Variants in M1AP observed in about 807,000 individuals in gnomAD.
The protein encoded by M1AP is meiosis 1 associated protein.
M1AP carries 39 observed loss-of-function variants against 51.2 expected under a neutral mutation model. That is an observed-to-expected ratio of 0.76 (90% CI 0.59 to 1.00). The LOEUF (loss-of-function observed/expected upper bound fraction) is 1.00, where lower values mean the gene tolerates loss of function less well. Ranked by LOEUF, M1AP falls within the 50% of genes least tolerant of loss-of-function variation. The pLI, the probability that M1AP is intolerant of heterozygous loss-of-function variation, is 0.00. For missense variants in M1AP, 545 were observed against 641.2 expected (o/e 0.85, Z 1.62); for synonymous variants, 251 against 249.2 (o/e 1.01, Z -0.07).
intron 6 of M1AP, 76 bp downstream of exon 6, chr2:74,576,376 CATCT>C: frequency 2.8e-6 from 4 of 1,409,632 alleles, no homozygotes; most frequent in Non-Finnish European, 4.0e-6. Context: ...TAAGAGATAC[CATCT>C]ATCTCTGGAG....
At chr2:74,583,569 A>T (rs1679538464) in intron 4 of M1AP, among the ~76,000 whole-genome samples, 3 of 152,220 alleles carry the variant, frequency 2.0e-5, no homozygotes, top group Non-Finnish European at 4.4e-5. Context: ...AGAACTAGAA[A>T]GAAGCTGAGG....
chr2:74,604,005 T>C (rs1022179814), intron 4 of M1AP, among the ~76,000 whole-genome samples: 3 of 152,110 alleles, frequency 2.0e-5, no homozygotes, highest in Non-Finnish European at 2.9e-5. Flanking sequence ...AACTTGAATG[T>C]TGGATGAATT....
At position 74,623,604 on chromosome 2, in the gene M1AP, A is replaced by T. The variant is rs181366431; in HGVS notation, c.241-8455T>A. On this transcript the variant is annotated intron_variant, in intron 2 of 10. Coordinates refer to ENST00000421985, the MANE Select transcript of M1AP (RefSeq NM_001321739.2). ...GGCTCCACGCACTGATATATTTTAA[A>T]ACTTCCTCAGGCAAATCTAATGTGC... Among the ~76,000 whole-genome samples the T allele has an allele frequency of 2.0e-5, 3 of 152,298 alleles. No individual in the cohort carries two copies. The East Asian group carries it at 5.8e-4, about 29-fold the overall frequency.
chr2:74,643,768 G>GT (rs1436023745), intron 1 of M1AP, among the ~76,000 whole-genome samples: 2 of 151,716 alleles, frequency 1.3e-5, no homozygotes, highest in Non-Finnish European at 2.9e-5. Flanking sequence ...TAATTTGTGT[G>GT]TTTTTTTGGT....
At chr2:74,588,653 A>C (rs1679858322) in intron 4 of M1AP, among the ~76,000 whole-genome samples, 1 of 152,182 alleles carries the variant, frequency 6.6e-6, no homozygotes, top group African/African-American at 2.4e-5. Flanking sequence ...AAGAGTTGGC[A>C]GGGGTGGTGG....
chr2:74,641,940 G>A (rs903804061), intron 1 of M1AP, among the ~76,000 whole-genome samples: 4 of 151,844 alleles, frequency 2.6e-5, no homozygotes, highest in Non-Finnish European at 5.9e-5. Flanking sequence ...CCGCCTCCCG[G>A]GTTCAAGCGA....
rs987518848 is a variant in M1AP, at chr2:74,558,624, G to A, written c.*92C>T. On this transcript the variant is annotated 3_prime_UTR_variant, in exon 11 of 11. Transcript: ENST00000421985. ...AGCCCTCACTCACAGAGGCTCAGGC[G>A]GATAGAGAGCAAGTCTGACCACAGA... 39 of 1,468,186 alleles carry A rather than the reference G, an allele frequency of 2.7e-5. No individual in the cohort carries two copies. The highest frequency in any genetic ancestry group is 2.2e-4 in the Middle Eastern group (1 of 4,602). 90.9% of individuals were successfully genotyped at this position (1,468,186 alleles called of 1,614,324 possible).
intron 7 of M1AP, among the ~76,000 whole-genome samples, chr2:74,565,049 G>A (rs536632338): frequency 6.6e-6 from 1 of 151,996 alleles, no homozygotes; most frequent in Admixed American, 6.6e-5. Flanking sequence ...GGTGAAACCC[G>A]GTCTCTAATA....
At chr2:74,613,416 G>A (rs1681484967) in intron 3 of M1AP, among the ~76,000 whole-genome samples, 1 of 152,172 alleles carries the variant, frequency 6.6e-6, no homozygotes, top group Non-Finnish European at 1.5e-5. Context: ...TAGAGGGAGG[G>A]GAAGTATGAT....
intron 5 of M1AP, 103 bp from the exon 6 acceptor site, chr2:74,576,721 C>A: frequency 7.5e-7 from 1 of 1,341,814 alleles, no homozygotes; most frequent in Admixed American, 2.1e-5. Flanking sequence ...ACATCTGCTA[C>A]CCATTCCATC....
chr2:74,610,181 T>A (rs1421924321), intron 3 of M1AP, among the ~76,000 whole-genome samples: 1 of 151,862 alleles, frequency 6.6e-6, no homozygotes, highest in East Asian at 1.9e-4. Flanking sequence ...TTTGTATTTT[T>A]TTTTTTTGTA....
intron 2 of M1AP, among the ~76,000 whole-genome samples, chr2:74,623,967 G>C (rs1682230654): frequency 6.6e-6 from 1 of 152,062 alleles, no homozygotes; most frequent in South Asian, 2.1e-4. Context: ...CACCACACCT[G>C]GCCTACAATA....
At chr2:74,644,410 C>T (rs989018494) in intron 1 of M1AP, among the ~76,000 whole-genome samples, 1 of 151,954 alleles carries the variant, frequency 6.6e-6, no homozygotes, top group Non-Finnish European at 1.5e-5. Context: ...TGGTAGCACG[C>T]GCTTGTAATC....
intron 4 of M1AP, among the ~76,000 whole-genome samples, chr2:74,596,811 T>G (rs1680368047): frequency 6.6e-6 from 1 of 152,194 alleles, no homozygotes; most frequent in Non-Finnish European, 1.5e-5. Context: ...AACGCACTAC[T>G]GATATAAACA....
At chr2:74,614,420 A>C (rs1681545243) in intron 3 of M1AP, among the ~76,000 whole-genome samples, 1 of 152,246 alleles carries the variant, frequency 6.6e-6, no homozygotes, top group Non-Finnish European at 1.5e-5. Flanking sequence ...TGAGGTTACA[A>C]GAGACCGAAA....
chr2:74,573,963 A>T (rs1678903888), intron 7 of M1AP, among the ~76,000 whole-genome samples: 1 of 152,226 alleles, frequency 6.6e-6, no homozygotes, highest in South Asian at 2.1e-4. Context: ...GGGTGGAGTA[A>T]ATAGTAAACT....
At chr2:74,647,463 C>A in intron 1 of M1AP, 2 of 873,996 alleles carry the variant, frequency 2.3e-6, no homozygotes, top group Non-Finnish European at 2.7e-6. Flanking sequence ...TCTTCGTGGA[C>A]CCCTTCCTCC....
chr2:74,593,536 G>T (rs1384201362), intron 4 of M1AP, among the ~76,000 whole-genome samples: 1 of 152,072 alleles, frequency 6.6e-6, no homozygotes, highest in Non-Finnish European at 1.5e-5. Flanking sequence ...GTGCACCACT[G>T]CATCTGGCTA....
chr2:74,606,967 A>G lies in M1AP; in HGVS notation c.595+88T>C, dbSNP rs1217964315. ...GTGCAGGTTTGTTACATATGTATACATGTGCCATGTTGGTGTGCTGCACCC... is the reference window on the plus strand; with the variant it reads ...GTGCAGGTTTGTTACATATGTATACGTGTGCCATGTTGGTGTGCTGCACCC... On this transcript the variant is annotated intron_variant, in intron 4 of 10. Coordinates refer to ENST00000421985, the MANE Select transcript of M1AP (RefSeq NM_001321739.2). 5 of 1,062,422 alleles carry G rather than the reference A, an allele frequency of 4.7e-6. No homozygotes were observed. The Admixed American group carries it at 7.6e-5, about 16-fold the overall frequency. 65.8% of individuals were successfully genotyped at this position (1,062,422 alleles called of 1,614,324 possible).
Sources: gnomAD v4.1 joint callset for allele counts (sites outside exome capture counted in the v4.1 genomes callset) on GRCh38, gnomAD v4.1.1 for gene constraint, MANE v1.5 for transcripts, NCBI Gene and HGNC (gene_info 2026-07-23, HGNC 2026-07-21) for gene names.